Variants in EPHB3 observed in about 807,000 individuals in gnomAD.
EPHB3 encodes the protein ephrin type-B receptor 3.
Under a neutral mutation model 100.2 loss-of-function variants are expected in EPHB3, and 33 were observed. That is an observed-to-expected ratio of 0.33 (90% CI 0.25 to 0.44). The LOEUF (loss-of-function observed/expected upper bound fraction) is 0.44. EPHB3 is among the 20% of genes least tolerant of loss of function. The pLI, the probability that EPHB3 is intolerant of heterozygous loss-of-function variation, is 1.00. For synonymous variants in EPHB3, 526 were observed against 554.7 expected (o/e 0.95, Z 0.73); for missense variants, 1,045 against 1,378.3 (o/e 0.76, Z 3.83).
chr3:184,568,078 C>T (rs918172517), intron 1 of EPHB3, among the ~76,000 whole-genome samples: 5 of 152,068 alleles, frequency 3.3e-5, no homozygotes, highest in Admixed American at 2.0e-4. Flanking sequence ...GCCCCAGTGG[C>T]GGGGAGTGAG....
Position 184,563,254 on chromosome 3 carries a change from G to A in EPHB3, c.118+901G>A, listed in dbSNP as rs1246053745. ...AACACCAGCCACAAACAATAGGGAG[G>A]CCCACACACACTCACGCCCCGTTTC... On this transcript the variant is annotated intron_variant, in intron 1 of 15. Transcript: ENST00000330394. This position sits in a 1 kb window ranked among gnomAD's most constrained non-coding sequence, Gnocchi z 4.1. Among the ~76,000 whole-genome samples, 1 of 152,118 alleles carries A rather than the reference G, an allele frequency of 6.6e-6. No homozygotes were observed. Among genetic ancestry groups the A allele is most frequent in the Non-Finnish European group, 1.5e-5 (1 of 68,018 alleles).
intron 1 of EPHB3, among the ~76,000 whole-genome samples, chr3:184,564,878 C>T (rs1029380814): frequency 5.9e-5 from 9 of 152,150 alleles, no homozygotes; most frequent in African/African-American, 2.2e-4. Context: ...TTCAGCCCCT[C>T]CAGCTTGACA....
intron 1 of EPHB3, among the ~76,000 whole-genome samples, chr3:184,566,028 G>T (rs562947451): frequency 2.0e-5 from 3 of 152,090 alleles, no homozygotes; most frequent in Admixed American, 6.5e-5. Context: ...TGGGCAGCTG[G>T]GGGGGGTGAA....
At position 184,573,722 on chromosome 3, in the gene EPHB3, T is replaced by C. The variant is rs1174292570; in HGVS notation, c.856+546T>C. On this transcript the variant is annotated intron_variant, in intron 3 of 15. Coordinates refer to ENST00000330394, the MANE Select transcript of EPHB3 (RefSeq NM_004443.4). The surrounding 1 kb of genome is among the most constrained non-coding windows in gnomAD (Gnocchi z 4.5). ...CGTGACCTTGGGCAAGTTACTTTTT[T>C]TTTTTTTTTTTTGAGATGGAGTTTC... Among the ~76,000 whole-genome samples, 28 of 151,582 alleles carry C rather than the reference T, an allele frequency of 1.8e-4. No individual in the cohort carries two copies. The highest frequency in any genetic ancestry group is 6.3e-4 in the South Asian group (3 of 4,782).
Position 184,581,523 on chromosome 3 carries a change from C to G in EPHB3, c.2898C>G (p.Leu966=), listed in dbSNP as rs370099869. Reference sequence around the variant, plus strand: ...TTGGCTCCACCTGCAGAGACCTGCTCCGTATTGGGGTCACCCTGGCCGGCC... The same window carrying G: ...TTGGCTCCACCTGCAGAGACCTGCTGCGTATTGGGGTCACCCTGGCCGGCC... ...LVAQMTAEDL[L]RIGVTLAGHQ... is the part of the protein sequence containing the mutation. The change falls in exon 16 of 16, where the codon CTC becomes CTG. Residue 966 remains leucine (L), a synonymous_variant. Coordinates refer to ENST00000330394, the MANE Select transcript of EPHB3 (RefSeq NM_004443.4). 6.2e-7 allele frequency: 1 copy of G among 1,613,186 alleles called. No homozygotes were observed. Among genetic ancestry groups the G allele is most frequent in the South Asian group, 1.1e-5 (1 of 90,934 alleles).
At chr3:184,580,009 G>C (rs1714780890) in intron 11 of EPHB3, 75 bp downstream of exon 11, 1 of 1,556,572 alleles carries the variant, frequency 6.4e-7, no homozygotes, top group African/African-American at 1.4e-5. Context: ...CCACAAGTCA[G>C]ACAGCCCCTA....
In EPHB3 at chr3:184,572,782, C is replaced by T. The variant is rs530601246; in HGVS notation, c.462C>T (p.Tyr154=). 497 of 1,602,050 alleles carry T rather than the reference C, an allele frequency of 3.1e-4. 3 individuals carry two copies. In the Middle Eastern group the frequency reaches 4.7e-3, roughly 15 times the overall value. The change falls in exon 3 of 16, where the codon TAC becomes TAT. Residue 154 remains tyrosine (Y), a synonymous_variant. Transcript: ENST00000330394. The surrounding 1 kb of genome is among the most constrained non-coding windows in gnomAD (Gnocchi z 6.6). ...CCCCCTTCTGGATGGAGAACCCCTACGTGAAAGTGGACACCATTGCACCCG... is the reference window on the plus strand; with the variant it reads ...CCCCCTTCTGGATGGAGAACCCCTATGTGAAAGTGGACACCATTGCACCCG... The part of the protein sequence containing the change: ...ASSPFWMENP[Y]VKVDTIAPDE...
rs1193582660 is a variant in EPHB3, at chr3:184,579,830, G to A, written c.2068G>A (p.Asp690Asn). Reference sequence around the variant, plus strand: ...CGAGGCCTCCATCATGGGTCAGTTTGATCACCCCAATATAATCCGGCTCGA... The same window carrying A: ...CGAGGCCTCCATCATGGGTCAGTTTAATCACCCCAATATAATCCGGCTCGA... The part of the protein sequence containing the change: ...LSEASIMGQF[D>N]HPNIIRLEGV... Residue 690 changes from aspartate to asparagine, a missense_variant, in exon 11 of 16, where the codon GAT becomes AAT. Asp to Asn is a conservative substitution (Grantham distance 23). Coordinates refer to ENST00000330394, the MANE Select transcript of EPHB3 (RefSeq NM_004443.4). The surrounding 1 kb of genome is among the most constrained non-coding windows in gnomAD (Gnocchi z 5.2). 1.2e-6 allele frequency: 2 copies of A among 1,613,622 alleles called. No homozygotes were observed. Among genetic ancestry groups the A allele is most frequent in the South Asian group, 1.1e-5 (1 of 91,054 alleles).
chr3:184,575,744 GAGA>G, intron 3 of EPHB3, 83 bp from the exon 4 acceptor site: 1 of 1,476,758 alleles, frequency 6.8e-7, no homozygotes, highest in Non-Finnish European at 9.0e-7. Flanking sequence ...CTAGGCTGGG[GAGA>G]AGCCAGGTTC....
chr3:184,574,386 G>A (rs980500738), intron 3 of EPHB3, among the ~76,000 whole-genome samples: 1 of 152,148 alleles, frequency 6.6e-6, no homozygotes, highest in Non-Finnish European at 1.5e-5. Flanking sequence ...TCCCTATTTC[G>A]CCAATAAGGA....
Position 184,563,715 on chromosome 3 carries a change from G to GT in EPHB3, c.118+1362_118+1363insT, listed in dbSNP as rs1714315901. ...CCCACATGTGTGTGATAGGATCGCA[G>GT]GCGTGAGAACCCAGTGTGGGGCTTT... is the stretch of plus-strand genomic sequence containing the variant. On this transcript the variant is annotated intron_variant, in intron 1 of 15. Transcript: ENST00000330394. The surrounding 1 kb of genome is among the most constrained non-coding windows in gnomAD (Gnocchi z 4.1). Among the ~76,000 whole-genome samples the GT allele has an allele frequency of 6.6e-6, 1 of 152,236 alleles. No homozygotes were observed. The highest frequency in any genetic ancestry group is 1.5e-5 in the Non-Finnish European group (1 of 68,050).
chr3:184,577,700 G>T lies in EPHB3; in HGVS notation c.1522G>T (p.Val508Leu), dbSNP rs976708397. 2.5e-6 allele frequency: 4 copies of T among 1,610,230 alleles called. No homozygotes were observed. The highest frequency in any genetic ancestry group is 3.3e-5 in the Admixed American group (2 of 59,834). ...ASTVTSQMNS[V>L]QLDGLRPDAR... ...CACAGTGACCAGCCAGATGAACTCC[G>T]TGCAGCTGGACGGGCTTCGGCCTGA... Residue 508 changes from valine (V) to leucine (L), a missense_variant, in exon 7 of 16, where the codon GTG (valine) becomes TTG (leucine). Around this residue, in one of 2 missense-constraint regions of EPHB3, gnomAD observed 985 missense variants for 1,331.1 expected, o/e 0.74. Coordinates refer to ENST00000330394, the MANE Select transcript of EPHB3 (RefSeq NM_004443.4). This position sits in a 1 kb window ranked among gnomAD's most constrained non-coding sequence, Gnocchi z 4.9.
At position 184,562,367 on chromosome 3, in the gene EPHB3, G is replaced by A. The variant is rs980210403; in HGVS notation, c.118+14G>A. The A allele has an allele frequency of 7.4e-6, 9 of 1,219,922 alleles. No homozygotes were observed. The highest frequency in any genetic ancestry group is 3.2e-4 in the Middle Eastern group (1 of 3,128). The allele number at this position is 1,219,922 out of a possible 1,614,324, so 75.6% of individuals were successfully genotyped here. A position where few individuals can be genotyped will look rare whatever the true frequency, so the allele number is the denominator to read the frequency against. Reference sequence around the variant, plus strand: ...GGGCGCTGGAAGGTGAGCGGCGTCGGGGGGCGCGCCCGGGAACAAGGTGCC... The same window carrying A: ...GGGCGCTGGAAGGTGAGCGGCGTCGAGGGGCGCGCCCGGGAACAAGGTGCC... On this transcript the variant is annotated intron_variant, in intron 1 of 15. Coordinates refer to ENST00000330394, the MANE Select transcript of EPHB3 (RefSeq NM_004443.4). The surrounding 1 kb of genome is among the most constrained non-coding windows in gnomAD (Gnocchi z 4.8).
rs754150783 is a variant in EPHB3, at chr3:184,581,149, G to A, written c.2716G>A (p.Ala906Thr). 6.2e-7 allele frequency: 1 copy of A among 1,614,142 alleles called. No homozygotes were observed. Among genetic ancestry groups the A allele is most frequent in the Non-Finnish European group, 8.5e-7 (1 of 1,180,010 alleles). The change falls in exon 14 of 16, where the codon GCC becomes ACC. Residue 906 changes from alanine to threonine, a missense_variant. Physicochemically the swap from Ala to Thr is moderately conservative, Grantham distance 58. Coordinates refer to ENST00000330394, the MANE Select transcript of EPHB3 (RefSeq NM_004443.4). ...CAATGCTGCCAGCCTCAAGGTCATT[G>A]CCAGCGCTCAGTCTGGGTTAGTACC... The part of the protein sequence containing the change: ...IRNAASLKVI[A>T]SAQSGMSQPL...
Position 184,578,328 on chromosome 3 carries a change from GCCCCTTCTGTGAGCCCAAGGGTGC to G in EPHB3, c.1749-83_1749-60del. ...CCAGGCCATCCCCTGTATCCTCTCC[GCCCCTTCTGTGAGCCCAAGGGTGC>G]CCTGAACAAAGGGAGGCAGATGACT... is the stretch of plus-strand genomic sequence containing the variant. On this transcript the variant is annotated intron_variant, in intron 8 of 15. Coordinates refer to ENST00000330394, the MANE Select transcript of EPHB3 (RefSeq NM_004443.4). The surrounding 1 kb of genome is among the most constrained non-coding windows in gnomAD (Gnocchi z 4.7). 5.7e-6 allele frequency: 9 copies of G among 1,586,386 alleles called. No individual in the cohort carries two copies. The highest frequency in any genetic ancestry group is 7.8e-6 in the Non-Finnish European group (9 of 1,159,016).
chr3:184,577,938 C>A lies in EPHB3; in HGVS notation c.1680C>A (p.Ile560=), dbSNP rs199636335. The A allele has an allele frequency of 6.2e-7, 1 of 1,614,046 alleles. No individual in the cohort carries two copies. The highest frequency in any genetic ancestry group is 1.3e-5 in the African/African-American group (1 of 75,024). Reference sequence around the variant, plus strand: ...AGCTCCAGGAGCAGCTTCCCCTCATCGTGGGCTCCGCTACAGCTGGGCTTG... The same window carrying A: ...AGCTCCAGGAGCAGCTTCCCCTCATAGTGGGCTCCGCTACAGCTGGGCTTG... The part of the protein sequence containing the change: ...AQQLQEQLPL[I]VGSATAGLVF... The change falls in exon 8 of 16, where the codon ATC becomes ATA. Residue 560 remains isoleucine (I), a synonymous_variant. Transcript: ENST00000330394. This position sits in a 1 kb window ranked among gnomAD's most constrained non-coding sequence, Gnocchi z 4.9.
rs774538882 is a variant in EPHB3, at chr3:184,581,234, CCTT to C, written c.2733-16_2733-14del. ...CTCCCACCTTCAAGACTCACCAGGT[CCTT>C]CTCTTCTTCCCACAGCATGTCACAG... is the stretch of plus-strand genomic sequence containing the variant. On this transcript the variant is annotated splice_polypyrimidine_tract_variant and intron_variant, in intron 14 of 15. Coordinates refer to ENST00000330394, the MANE Select transcript of EPHB3 (RefSeq NM_004443.4). The C allele has an allele frequency of 6.3e-7, 1 of 1,599,164 alleles. No homozygotes were observed. Among genetic ancestry groups the C allele is most frequent in the Non-Finnish European group, 8.5e-7 (1 of 1,171,258 alleles).
At chr3:184,567,067 CA>C (rs1434607740) in intron 1 of EPHB3, among the ~76,000 whole-genome samples, 1 of 152,142 alleles carries the variant, frequency 6.6e-6, no homozygotes. Flanking sequence ...CTTCTGAAGC[CA>C]AATCTCTTCA....
rs1714561072 is a variant in EPHB3 at position 184,572,317 on chromosome 3, G to A, written c.184-187G>A. ...GATGGGGAAACTGAGGCACATGGCG[G>A]TTAAGTGACTTACCCATAATCACAC... On this transcript the variant is annotated intron_variant, in intron 2 of 15. Transcript: ENST00000330394. This position sits in a 1 kb window ranked among gnomAD's most constrained non-coding sequence, Gnocchi z 6.6. Among the ~76,000 whole-genome samples the A allele has an allele frequency of 6.6e-6, 1 of 152,208 alleles. No individual in the cohort carries two copies. The highest frequency in any genetic ancestry group is 2.4e-5 in the African/African-American group (1 of 41,442).
Sources: allele counts gnomAD v4.1 joint callset (sites outside exome capture counted in the v4.1 genomes callset), GRCh38; gene constraint gnomAD v4.1.1; regional missense constraint gnomAD v4.1.1; non-coding constraint Gnocchi (gnomAD v3.1); transcripts MANE v1.5; gene names NCBI Gene and HGNC (gene_info 2026-07-23, HGNC 2026-07-21).